The following MID2 variants were observed in gnomAD, a reference collection of about 807,000 sequenced individuals.
MID2 encodes the protein midline 2.
A neutral mutation model predicts 46.1 loss-of-function variants in MID2; 13 were observed. That is an observed-to-expected ratio of 0.28 (90% CI 0.18 to 0.45). The LOEUF is 0.45. MID2 is among the 20% of genes least tolerant of loss of function. The pLI, the probability that MID2 is intolerant of heterozygous loss-of-function variation, is 1.00. For missense variants in MID2, 431 were observed against 575.4 expected, an observed-to-expected ratio of 0.75 and a Z score of 2.57; for synonymous variants, 199 against 212.3, an observed-to-expected ratio of 0.94 and a Z score of 0.55.
intron 3 of MID2, among the ~76,000 whole-genome samples, chrX:107,900,957 T>C (rs1932790277): frequency 8.9e-6 from 1 of 112,197 alleles, no homozygotes; most frequent in African/African-American, 3.2e-5. Flanking sequence ...ATAAGATGTC[T>C]GGTAATGAAG....
chrX:107,848,179 G>T (rs747224093), intron 2 of MID2, among the ~76,000 whole-genome samples: 1 of 110,796 alleles, frequency 9.0e-6, no homozygotes, highest in African/African-American at 3.3e-5. Context: ...CAGAACACTC[G>T]TGGTCTAGAA....
At chrX:107,918,370 A>G (rs144066298) in intron 7 of MID2, among the ~76,000 whole-genome samples, 2,218 of 111,594 alleles carry the variant, frequency 0.02, 64 homozygotes, top group African/African-American at 0.068. Context: ...GGGATGGTGG[A>G]AATGGAAACA....
chrX:107,848,469 G>A (rs1891121501), intron 2 of MID2, among the ~76,000 whole-genome samples: 1 of 111,433 alleles, frequency 9.0e-6, no homozygotes, highest in Non-Finnish European at 1.9e-5. Context: ...AATATGGGAA[G>A]GTTTGGGCAG....
At chrX:107,826,848 C>G (rs1159631967) in intron 1 of MID2, among the ~76,000 whole-genome samples, 1 of 113,632 alleles carries the variant, frequency 8.8e-6, no homozygotes, top group Non-Finnish European at 1.9e-5. Flanking sequence ...GGCGTCGCCC[C>G]TTGGCCGGCC....
intron 1 of MID2, among the ~76,000 whole-genome samples, chrX:107,831,266 T>C (rs928062901): frequency 9.0e-6 from 1 of 111,652 alleles, no homozygotes; most frequent in African/African-American, 3.3e-5. Flanking sequence ...TCAGCTTCCT[T>C]CCCGTAGGTC....
chrX:107,880,218 C>T (rs917548731), intron 3 of MID2, among the ~76,000 whole-genome samples: 1 of 110,180 alleles, frequency 9.1e-6, no homozygotes, highest in Non-Finnish European at 1.9e-5. Flanking sequence ...CTCACTGCAA[C>T]CTTGACCTCC....
intron 1 of MID2, among the ~76,000 whole-genome samples, chrX:107,828,694 A>G (rs1330374943): frequency 6.2e-5 from 7 of 112,466 alleles, no homozygotes; most frequent in African/African-American, 1.9e-4. Context: ...ACACAGGTCC[A>G]GGAGTCAAGA....
intron 7 of MID2, among the ~76,000 whole-genome samples, chrX:107,919,890 C>T (rs927151069): frequency 8.9e-6 from 1 of 111,953 alleles, no homozygotes; most frequent in Non-Finnish European, 1.9e-5. Context: ...AATACAAAGC[C>T]TTGAATTTAT....
chrX:107,930,862 A>G lies in MID2; in HGVS notation c.*3789A>G, dbSNP rs948317617. On this transcript the variant is annotated 3_prime_UTR_variant, in exon 10 of 10. Coordinates refer to ENST00000262843, the MANE Select transcript of MID2 (RefSeq NM_012216.4). ...ACCAGAAGATTATTTTATGTCTGCAATTTATGCTTGTTTCCACTTTTTATA... is the reference window on the plus strand; with the variant it reads ...ACCAGAAGATTATTTTATGTCTGCAGTTTATGCTTGTTTCCACTTTTTATA... Among the ~76,000 whole-genome samples, 4 of 112,541 alleles carry G rather than the reference A, an allele frequency of 3.6e-5. No homozygotes were observed. Among genetic ancestry groups the G allele is most frequent in the Non-Finnish European group, 7.5e-5 (4 of 53,249 alleles).
chrX:107,847,718 G>A (rs1226483336), intron 2 of MID2, among the ~76,000 whole-genome samples: 3 of 111,429 alleles, frequency 2.7e-5, no homozygotes, highest in East Asian at 2.8e-4. Context: ...GCAAGCACCC[G>A]GATAGGTATT....
At position 107,886,790 on chromosome X, in the gene MID2, T is replaced by A. The variant is rs184728276; in HGVS notation, c.817-17168T>A. ...TTCTTCCATTTGTTTGTATCCTCTT[T>A]TATTTCATTGAGCAGTGTTTTGTAG... On this transcript the variant is annotated intron_variant, in intron 3 of 9. Coordinates refer to ENST00000262843, the MANE Select transcript of MID2 (RefSeq NM_012216.4). Among the ~76,000 whole-genome samples, 887 of 111,917 alleles carry A rather than the reference T, an allele frequency of 7.9e-3. 3 individuals carry two copies. Among genetic ancestry groups the A allele is most frequent in the Non-Finnish European group, 0.012 (629 of 53,124 alleles).
At chrX:107,834,160 A>G (rs966893091) in intron 1 of MID2, among the ~76,000 whole-genome samples, 3 of 111,525 alleles carry the variant, frequency 2.7e-5, no homozygotes, top group African/African-American at 9.8e-5. Flanking sequence ...TATACAGCCC[A>G]ATGGTACCTT....
intron 3 of MID2, among the ~76,000 whole-genome samples, chrX:107,893,732 C>A (rs1035621469): frequency 8.9e-6 from 1 of 111,959 alleles, no homozygotes; most frequent in African/African-American, 3.2e-5. Flanking sequence ...GTTTTATAAG[C>A]TGCGTACACT....
At chrX:107,878,278 G>A (rs936405564) in intron 3 of MID2, among the ~76,000 whole-genome samples, 1 of 107,030 alleles carries the variant, frequency 9.3e-6, no homozygotes. Context: ...GTTGGAAGTG[G>A]CACATGCATG....
chrX:107,837,935 A>C (rs1233482360), intron 1 of MID2, among the ~76,000 whole-genome samples: 1 of 112,460 alleles, frequency 8.9e-6, no homozygotes, highest in Non-Finnish European at 1.9e-5. Context: ...ATTAACAATT[A>C]TTGAATACAG....
Position 107,860,587 on chromosome X carries a change from C to A in MID2, c.816+5883C>A, listed in dbSNP as rs1262974724. ...CACAATACAATAACAAACTGACTTT[C>A]CAAAAATAAATAGAAAGACGGTGTT... On this transcript the variant is annotated intron_variant, in intron 3 of 9. Transcript: ENST00000262843. Among the ~76,000 whole-genome samples the A allele has an allele frequency of 2.7e-5, 3 of 112,145 alleles. No individual in the cohort carries two copies. In the Admixed American group the frequency reaches 2.8e-4, roughly 11 times the overall value.
At chrX:107,896,636 A>G (rs1024350861) in intron 3 of MID2, among the ~76,000 whole-genome samples, 2 of 112,781 alleles carry the variant, frequency 1.8e-5, no homozygotes, top group Non-Finnish European at 3.7e-5. Flanking sequence ...TGAACTGTCT[A>G]TGCTTTTAAA....
At chrX:107,906,973 C>T (rs1335686902) in intron 5 of MID2, among the ~76,000 whole-genome samples, 1 of 112,274 alleles carries the variant, frequency 8.9e-6, no homozygotes, top group Non-Finnish European at 1.9e-5. Flanking sequence ...TCCGACCTAC[C>T]AGCTATTTCC....
In MID2 at chrX:107,917,671, G is replaced by A. The variant is rs765024636; in HGVS notation, c.1367G>A (p.Gly456Asp). 2 of 1,212,032 alleles carry A rather than the reference G, an allele frequency of 1.7e-6. No homozygotes were observed. Among genetic ancestry groups the A allele is most frequent in the African/African-American group, 1.7e-5 (1 of 57,849 alleles). Reference sequence around the variant, plus strand: ...ATCAGTAAGTCATGGTGTAGTTGGGGCCTGTGGCCAGAGATAAGGAAATGT... The same window carrying A: ...ATCAGTAAGTCATGGTGTAGTTGGGACCTGTGGCCAGAGATAAGGAAATGT... ...NFISKSWCSW[G>D]LWPEIRKCKE... Residue 456 changes from glycine (G) to aspartate (D), a missense_variant, in exon 7 of 10, where the codon GGC (glycine) becomes GAC (aspartate). Physicochemically the swap from Gly to Asp is moderately conservative, Grantham distance 94. Transcript: ENST00000262843.
Sources: allele counts gnomAD v4.1 joint callset (sites outside exome capture counted in the v4.1 genomes callset), GRCh38; gene constraint gnomAD v4.1.1; transcripts MANE v1.5; gene names NCBI Gene and HGNC (gene_info 2026-07-23, HGNC 2026-07-21).